The following CRLF2 variants were observed in gnomAD, a reference collection of about 807,000 sequenced individuals.
CRLF2 encodes cytokine receptor like factor 2, also known as cytokine receptor-like factor 2.
A neutral mutation model predicts 38.7 loss-of-function variants in CRLF2; 41 were observed. That is an observed-to-expected ratio of 1.06 (90% CI 0.83 to 1.37). The LOEUF (loss-of-function observed/expected upper bound fraction) is 1.37, where lower values mean the gene tolerates loss of function less well. Among genes scored for constraint, CRLF2 ranks in the 40% most tolerant of loss-of-function variants. The pLI is 0.00. For missense variants in CRLF2, 377 were observed against 322.2 expected (o/e 1.17, Z -1.30); for synonymous variants, 140 against 128.8 (o/e 1.09, Z -0.59).
rs1162263456 is a variant in CRLF2, at chrX:1,196,895, A to G, written c.652T>C (p.Cys218Arg). Residue 218 changes from cysteine (C) to arginine (R), a missense_variant, in exon 6 of 8, where the codon TGT (cysteine) becomes CGT (arginine). Coordinates refer to ENST00000400841, the MANE Select transcript of CRLF2 (RefSeq NM_022148.4). ...TTGGGAGGCGTTGGTGTCTCTGCAC[A>G]GGCATCTGAAACAAAATGAAAAGGC... Reference protein sequence around the residue: ...CWQRGEIRDACAETPTPPKPK... With the variant: ...CWQRGEIRDARAETPTPPKPK... 6.2e-7 allele frequency: 1 copy of G among 1,612,496 alleles called. No homozygotes were observed.
chrX:1,193,084 A>T (rs2086421651), intron 7 of CRLF2, 134 bp downstream of exon 7: 1 of 384,104 alleles, frequency 2.6e-6, no homozygotes, highest in African/African-American at 2.1e-5. Context: ...AAGTGCTGGG[A>T]TGACAGGCGT....
chrX:1,204,292 G>A (rs1205051997), intron 3 of CRLF2, among the ~76,000 whole-genome samples: 4 of 151,820 alleles, frequency 2.6e-5, no homozygotes, highest in Non-Finnish European at 4.4e-5. Context: ...GCAATGGCGC[G>A]ATCTCGGCTC....
chrX:1,202,548 AAT>A lies in CRLF2; in HGVS notation c.350-15_350-14del. On this transcript the variant is annotated splice_polypyrimidine_tract_variant and intron_variant, in intron 3 of 7. Transcript: ENST00000400841. ...GAACTGGGTTTCACTGAGAAGAAGA[AAT>A]AACGGAAGCGACGTCCCTCCTCTCT... 6.2e-7 allele frequency: 1 copy of A among 1,613,670 alleles called. No homozygotes were observed. The highest frequency in any genetic ancestry group is 8.5e-7 in the Non-Finnish European group (1 of 1,179,670).
intron 4 of CRLF2, among the ~76,000 whole-genome samples, chrX:1,200,017 T>C (rs749329746): frequency 1.3e-3 from 192 of 148,742 alleles, no homozygotes; most frequent in Middle Eastern, 0.011. Context: ...AAGCTGTGTA[T>C]ATAAGCTCTG....
intron 3 of CRLF2, among the ~76,000 whole-genome samples, chrX:1,204,951 C>T (rs1414221639): frequency 6.6e-6 from 1 of 152,110 alleles, no homozygotes; most frequent in Non-Finnish European, 1.5e-5. Flanking sequence ...TCCCGAACAG[C>T]TAGGATTACA....
At chrX:1,192,085 G>C (rs1161245452) in intron 7 of CRLF2, among the ~76,000 whole-genome samples, 5 of 143,418 alleles carry the variant, frequency 3.5e-5, no homozygotes. Context: ...GGCGCCTGTA[G>C]TCCCAGCTAC....
intron 3 of CRLF2, among the ~76,000 whole-genome samples, chrX:1,205,519 C>T (rs2086676322): frequency 6.6e-6 from 1 of 152,014 alleles, no homozygotes; most frequent in Non-Finnish European, 1.5e-5. Flanking sequence ...CCGCGACTTG[C>T]GAGAGCTTGC....
At chrX:1,194,807 G>A (rs1331771029) in intron 6 of CRLF2, among the ~76,000 whole-genome samples, 2 of 152,040 alleles carry the variant, frequency 1.3e-5, no homozygotes, top group Non-Finnish European at 2.9e-5. Context: ...CGAGGAGGAC[G>A]GATCTCCTGA....
At chrX:1,202,773 T>C (rs754699645) in intron 3 of CRLF2, among the ~76,000 whole-genome samples, 1 of 152,192 alleles carries the variant, frequency 6.6e-6, no homozygotes, top group South Asian at 2.1e-4. Context: ...GTGTGTCTGT[T>C]ACGGGCTAAA....
At chrX:1,194,441 G>T (rs1161541942) in intron 6 of CRLF2, among the ~76,000 whole-genome samples, 13 of 152,020 alleles carry the variant, frequency 8.6e-5, no homozygotes, top group Non-Finnish European at 5.9e-5. Context: ...CAGCCTGGGT[G>T]ACAGAGTGAG....
chrX:1,209,504 T>G (rs1334109306), intron 1 of CRLF2, among the ~76,000 whole-genome samples: 1 of 151,232 alleles, frequency 6.6e-6, no homozygotes, highest in Non-Finnish European at 1.5e-5. Flanking sequence ...GATAATTTTT[T>G]GTACTTTTAG....
intron 7 of CRLF2, among the ~76,000 whole-genome samples, chrX:1,191,577 G>T (rs1198958465): frequency 6.6e-6 from 1 of 150,922 alleles, no homozygotes; most frequent in Non-Finnish European, 1.5e-5. Context: ...TGTTTCCCAG[G>T]CTGGAGTGCA....
intron 3 of CRLF2, among the ~76,000 whole-genome samples, chrX:1,203,965 A>C (rs1390743160): frequency 6.6e-6 from 1 of 152,058 alleles, no homozygotes; most frequent in Non-Finnish European, 1.5e-5. Flanking sequence ...TAGGATAAAG[A>C]ATAAACATTT....
intron 7 of CRLF2, among the ~76,000 whole-genome samples, chrX:1,192,484 C>G (rs1278054959): frequency 6.6e-6 from 1 of 151,588 alleles, no homozygotes. Flanking sequence ...GGTGTGGTGG[C>G]GGGCGCCTGT....
chrX:1,190,607 T>G lies in CRLF2; in HGVS notation c.*290A>C. On this transcript the variant is annotated 3_prime_UTR_variant, in exon 8 of 8. Transcript: ENST00000400841. ...TTACAGCATTTTGGACGTGCTGCCT[T>G]GGGGTTTATGTGACAACGTTCAGGC... 1 of 374,146 alleles carries G rather than the reference T, an allele frequency of 2.7e-6. No individual in the cohort carries two copies. Among genetic ancestry groups the G allele is most frequent in the Non-Finnish European group, 4.7e-6 (1 of 210,926 alleles). The allele number at this position is 374,146 out of a possible 1,614,324, so 23.2% of individuals were successfully genotyped here.
chrX:1,205,229 G>A (rs1312130059), intron 3 of CRLF2, among the ~76,000 whole-genome samples: 2 of 152,202 alleles, frequency 1.3e-5, no homozygotes, highest in Non-Finnish European at 2.9e-5. Flanking sequence ...GGAACTTCCT[G>A]GAAGGCCGGT....
rs772419189 is a variant in CRLF2 at position 1,206,540 on chromosome X, G to C, written c.242C>G (p.Thr81Ser). The change falls in exon 3 of 8, where the codon ACT becomes AGT. Residue 81 changes from threonine (T) to serine (S), a missense_variant. Coordinates refer to ENST00000400841, the MANE Select transcript of CRLF2 (RefSeq NM_022148.4). ...CTNYLLQEGH[T>S]SGCLLDAEQR... ...CTCTGCGTCTAGGAGGCACCCCGAA[G>C]TGTGACCTTCCTGGAGAAGGTAGTT... is the stretch of plus-strand genomic sequence containing the variant. 1.2e-6 allele frequency: 2 copies of C among 1,613,274 alleles called. No homozygotes were observed. Among genetic ancestry groups the C allele is most frequent in the African/African-American group, 2.7e-5 (2 of 74,896 alleles).
chrX:1,211,427 G>T (rs1201899374), intron 1 of CRLF2, among the ~76,000 whole-genome samples: 1 of 146,502 alleles, frequency 6.8e-6, no homozygotes, highest in Non-Finnish European at 1.5e-5. Context: ...GTGGGTGAAT[G>T]CATGGATAGA....
At chrX:1,203,859 A>G (rs1350642607) in intron 3 of CRLF2, among the ~76,000 whole-genome samples, 2 of 152,134 alleles carry the variant, frequency 1.3e-5, no homozygotes, top group African/African-American at 4.8e-5. Context: ...TTCGCGAATA[A>G]AGAGTTCATA....
Sources: allele counts gnomAD v4.1 joint callset (sites outside exome capture counted in the v4.1 genomes callset), GRCh38; gene constraint gnomAD v4.1.1; transcripts MANE v1.5; gene names NCBI Gene and HGNC (gene_info 2026-07-23, HGNC 2026-07-21).